ABCA6: variants seen among roughly 807,000 people sequenced by gnomAD.
The protein encoded by ABCA6 is ATP binding cassette subfamily A member 6.
ABCA6 carries 164 observed loss-of-function variants against 191.2 expected under a neutral mutation model. The observed-to-expected ratio is 0.86, with a 90% confidence interval of 0.76 to 0.98. The LOEUF is 0.98. ABCA6 is among the 50% of genes least tolerant of loss of function. The pLI is 0.00. For missense variants in ABCA6, 1,958 were observed against 1,894.1 expected (o/e 1.03, Z -0.63); for synonymous variants, 636 against 647.7 (o/e 0.98, Z 0.27).
intron 11 of ABCA6, among the ~76,000 whole-genome samples, chr17:69,116,148 T>A (rs2073534596): frequency 6.6e-6 from 1 of 152,050 alleles, no homozygotes; most frequent in African/African-American, 2.4e-5. Context: ...GGCCTGTAAT[T>A]TTTAAATGCA....
At chr17:69,107,533 T>C (rs544372160) in intron 18 of ABCA6, among the ~76,000 whole-genome samples, 163 bp downstream of exon 18, 1 of 152,250 alleles carries the variant, frequency 6.6e-6, no homozygotes, top group South Asian at 2.1e-4. Context: ...TCAGTCTTAG[T>C]AATGACGCTA....
At chr17:69,097,390 CAAAA>C (rs11365217) in intron 23 of ABCA6, among the ~76,000 whole-genome samples, 2 of 78,050 alleles carry the variant, frequency 2.6e-5, no homozygotes, top group Admixed American at 1.6e-4. Context: ...GACTCCATCT[CAAAA>C]AAAAAAAAAA....
At chr17:69,105,892 C>T in intron 19 of ABCA6, 136 bp downstream of exon 19, 2 of 986,900 alleles carry the variant, frequency 2.0e-6, no homozygotes, top group Non-Finnish European at 2.9e-6. Context: ...TTCCCACTGT[C>T]AGAAAAATTA....
intron 10 of ABCA6, among the ~76,000 whole-genome samples, chr17:69,120,309 G>C (rs1243953507): frequency 6.6e-6 from 1 of 151,964 alleles, no homozygotes; most frequent in Non-Finnish European, 1.5e-5. Context: ...GAATATGTCA[G>C]CTTTAAAAGC....
intron 11 of ABCA6, among the ~76,000 whole-genome samples, chr17:69,117,231 A>G (rs779918476): frequency 9.9e-5 from 15 of 152,076 alleles, no homozygotes; most frequent in African/African-American, 3.1e-4. Context: ...GGAGAACTCT[A>G]CACTTCTGGA....
rs945771180 is a variant in ABCA6, at chr17:69,137,503, G to A, written c.97-3C>T. On this transcript the variant is annotated splice_polypyrimidine_tract_variant and splice_region_variant and intron_variant, in intron 2 of 38. Coordinates refer to ENST00000284425, the MANE Select transcript of ABCA6 (RefSeq NM_080284.3). Reference sequence around the variant, plus strand: ...AGAAGTATTGAGAGGCCCCATTCCTGTAATGCATATAAAAAGAAAAATAAT... The same window carrying A: ...AGAAGTATTGAGAGGCCCCATTCCTATAATGCATATAAAAAGAAAAATAAT... 1 of 1,604,450 alleles carries A rather than the reference G, an allele frequency of 6.2e-7. No individual in the cohort carries two copies.
Position 69,128,807 on chromosome 17 carries a change from G to T in ABCA6, c.934-3C>A. On this transcript the variant is annotated splice_region_variant and splice_polypyrimidine_tract_variant and intron_variant, in intron 7 of 38. Coordinates refer to ENST00000284425, the MANE Select transcript of ABCA6 (RefSeq NM_080284.3). ...CTCATCAGGAACACCAAAGCTACCT[G>T]CAAGAGAGAGAAGACATTCAGCTGT... The T allele has an allele frequency of 6.3e-7, 1 of 1,579,828 alleles. No individual in the cohort carries two copies. Among genetic ancestry groups the T allele is most frequent in the Non-Finnish European group, 8.6e-7 (1 of 1,164,054 alleles).
chr17:69,099,235 G>A (rs2073121621), intron 22 of ABCA6, among the ~76,000 whole-genome samples: 1 of 152,156 alleles, frequency 6.6e-6, no homozygotes, highest in African/African-American at 2.4e-5. Flanking sequence ...ATAATTACAG[G>A]ATAACAGCAT....
intron 20 of ABCA6, 174 bp downstream of exon 20, chr17:69,105,288 C>A (rs1426923072): frequency 4.7e-6 from 3 of 644,928 alleles, no homozygotes; most frequent in African/African-American, 3.8e-5. Context: ...CTCATCATCC[C>A]TGTCATCTCC....
intron 25 of ABCA6, among the ~76,000 whole-genome samples, chr17:69,091,982 T>C (rs1309201355): frequency 1.3e-5 from 2 of 152,232 alleles, no homozygotes; most frequent in Non-Finnish European, 2.9e-5. Flanking sequence ...CAATCCATAC[T>C]GTCTCTCAAC....
In ABCA6 at chr17:69,084,374, C is replaced by A. The variant is rs1278219037; in HGVS notation, c.4261-19G>T. The A allele has an allele frequency of 6.2e-7, 1 of 1,613,998 alleles. No individual in the cohort carries two copies. Among genetic ancestry groups the A allele is most frequent in the East Asian group, 2.2e-5 (1 of 44,890 alleles). ...AACACAACTGCAATGTAGAAAAACA[C>A]CCCTGTTTGCTGCCATACCACACCA... On this transcript the variant is annotated intron_variant, in intron 33 of 38. Coordinates refer to ENST00000284425, the MANE Select transcript of ABCA6 (RefSeq NM_080284.3).
intron 28 of ABCA6, 77 bp downstream of exon 28, chr17:69,088,090 T>C: frequency 4.8e-6 from 6 of 1,257,222 alleles, no homozygotes; most frequent in South Asian, 1.5e-5. Flanking sequence ...AAATCTGTAT[T>C]AACAAGATGA....
intron 34 of ABCA6, among the ~76,000 whole-genome samples, chr17:69,083,797 AT>A (rs1367189729): frequency 8.5e-5 from 13 of 152,334 alleles, no homozygotes; most frequent in Admixed American, 8.5e-4. Flanking sequence ...TGAAGATTTT[AT>A]TATTCCAAAG....
chr17:69,136,018 G>T, intron 4 of ABCA6, 74 bp downstream of exon 4: 1 of 1,406,026 alleles, frequency 7.1e-7, no homozygotes, highest in Non-Finnish European at 9.9e-7. Context: ...AAGCATCTCT[G>T]TTGCCCAACC....
Position 69,106,287 on chromosome 17 carries a change from G to A in ABCA6, c.2390-76C>T. On this transcript the variant is annotated intron_variant, in intron 18 of 38. Transcript: ENST00000284425. ...CTGGAGGCATCACAGATTTTCCTTA[G>A]TAATATTAAAAATAGTATTACATGG... 2.2e-6 allele frequency: 3 copies of A among 1,386,826 alleles called. No individual in the cohort carries two copies. The South Asian group carries it at 4.6e-5, about 21-fold the overall frequency. The allele number at this position is 1,386,826 out of a possible 1,614,324, so 85.9% of individuals were successfully genotyped here. A position where few individuals can be genotyped will look rare whatever the true frequency, so the allele number is the denominator to read the frequency against.
chr17:69,124,124 T>G (rs2073703382), intron 9 of ABCA6, among the ~76,000 whole-genome samples: 1 of 151,978 alleles, frequency 6.6e-6, no homozygotes, highest in Non-Finnish European at 1.5e-5. Flanking sequence ...TGTATTTGTT[T>G]AGAATAAATT....
At chr17:69,080,675 G>A (rs2072608731) in intron 37 of ABCA6, among the ~76,000 whole-genome samples, 1 of 152,264 alleles carries the variant, frequency 6.6e-6, no homozygotes, top group East Asian at 1.9e-4. Context: ...TCAACTGAGG[G>A]ATAAAAGTGG....
In ABCA6 at chr17:69,128,612, C is replaced by G; in HGVS notation, c.1119+7G>C. 1 of 1,604,190 alleles carries G rather than the reference C, an allele frequency of 6.2e-7. No individual in the cohort carries two copies. The highest frequency in any genetic ancestry group is 1.7e-5 in the Admixed American group (1 of 59,298). On this transcript the variant is annotated splice_region_variant and intron_variant, in intron 8 of 38. Transcript: ENST00000284425. Reference sequence around the variant, plus strand: ...TTCAGTAATAAACCAATTAACTAGGCTCTTACCTGAATCATTCCAGTAGTA... The same window carrying G: ...TTCAGTAATAAACCAATTAACTAGGGTCTTACCTGAATCATTCCAGTAGTA...
intron 18 of ABCA6, among the ~76,000 whole-genome samples, chr17:69,106,900 T>C (rs1467660302): frequency 6.6e-6 from 1 of 152,196 alleles, no homozygotes; most frequent in Non-Finnish European, 1.5e-5. Context: ...ACAAAAATGG[T>C]GATCTCATTG....
Sources: allele counts gnomAD v4.1 joint callset (sites outside exome capture counted in the v4.1 genomes callset), GRCh38; gene constraint gnomAD v4.1.1; transcripts MANE v1.5; gene names NCBI Gene and HGNC (gene_info 2026-07-23, HGNC 2026-07-21).